Variants in ANKS1A observed in about 807,000 individuals in gnomAD.
ANKS1A encodes the protein ankyrin repeat and SAM domain-containing protein 1A.
ANKS1A carries 55 observed loss-of-function variants against 120.3 expected under a neutral mutation model. The ratio of observed to expected loss-of-function variants is 0.46; its 90% CI spans 0.37 to 0.57. ANKS1A has a LOEUF of 0.57. ANKS1A is among the 20% of genes least tolerant of loss of function. ANKS1A has a pLI of 0.00. For synonymous variants in ANKS1A, 590 were observed against 604.7 expected (o/e 0.98, Z 0.36); for missense variants, 1,123 against 1,480.3 (o/e 0.76, Z 3.96).
At chr6:34,925,642 G>A (rs1192816248) in intron 1 of ANKS1A, among the ~76,000 whole-genome samples, 2 of 152,196 alleles carry the variant, frequency 1.3e-5, no homozygotes, top group African/African-American at 2.4e-5. Flanking sequence ...AATGGTGTAT[G>A]GGGTATGAGG....
At chr6:35,042,037 G>A (rs1775487052) in intron 11 of ANKS1A, among the ~76,000 whole-genome samples, 1 of 152,184 alleles carries the variant, frequency 6.6e-6, no homozygotes, top group South Asian at 2.1e-4. Context: ...GAGAAATGGG[G>A]GGAAGTGATC....
rs556033864 is a variant in ANKS1A, at chr6:34,991,663, T to C, written c.1302+2347T>C. On this transcript the variant is annotated intron_variant, in intron 9 of 23. Transcript: ENST00000360359. ...ATATACACACACATATATATACACA[T>C]ATATATACACATATATATACATATA... Among the ~76,000 whole-genome samples the C allele has an allele frequency of 8.1e-5, 7 of 86,502 alleles. No individual in the cohort carries two copies. The South Asian group carries it at 1.6e-3, about 19-fold the overall frequency. 56.7% of individuals were successfully genotyped at this position (86,502 alleles called of 152,430 possible).
intron 23 of ANKS1A, among the ~76,000 whole-genome samples, chr6:35,088,006 C>T (rs902790846): frequency 3.3e-5 from 5 of 152,246 alleles, no homozygotes; most frequent in African/African-American, 7.2e-5. Context: ...CACGGCGCAC[C>T]TTCTTCCCTC....
At position 35,085,674 on chromosome 6, in the gene ANKS1A, G is replaced by A. The variant is rs370408790; in HGVS notation, c.3133-92G>A. ...GTAGGAGCGCTCCCGGGTAGACTTA[G>A]AGGGGGACACATGGTCCCTGCGAGG... On this transcript the variant is annotated intron_variant, in intron 21 of 23. Transcript: ENST00000360359. This position sits in a 1 kb window ranked among gnomAD's most constrained non-coding sequence, Gnocchi z 4.7. 2.9e-6 allele frequency: 4 copies of A among 1,361,290 alleles called. No individual in the cohort carries two copies. The highest frequency in any genetic ancestry group is 2.9e-5 in the African/African-American group (2 of 68,142). The allele number at this position is 1,361,290 out of a possible 1,614,324, so 84.3% of individuals were successfully genotyped here.
In ANKS1A at chr6:34,955,950, C is replaced by A. The variant is rs543325135; in HGVS notation, c.198-11289C>A. On this transcript the variant is annotated intron_variant, in intron 1 of 23. Coordinates refer to ENST00000360359, the MANE Select transcript of ANKS1A (RefSeq NM_015245.3). ...CTTTATCCCATTTATTATAAAATTT[C>A]ACAATGTGACTTTTAAAAAATTCTT... Among the ~76,000 whole-genome samples the A allele has an allele frequency of 3.3e-5, 5 of 152,134 alleles. No individual in the cohort carries two copies. The South Asian group carries it at 1.0e-3, about 32-fold the overall frequency.
At chr6:34,964,438 C>T (rs1271225960) in intron 1 of ANKS1A, among the ~76,000 whole-genome samples, 1 of 152,174 alleles carries the variant, frequency 6.6e-6, no homozygotes, top group African/African-American at 2.4e-5. Flanking sequence ...GGTGAGTGCT[C>T]TTCCAGTCAC....
chr6:34,936,826 T>C (rs1344756461), intron 1 of ANKS1A, among the ~76,000 whole-genome samples: 3 of 152,186 alleles, frequency 2.0e-5, no homozygotes, highest in Non-Finnish European at 4.4e-5. Flanking sequence ...TATTGGGAGC[T>C]AAAATTCTAT....
chr6:34,908,808 T>C (rs1767765006), intron 1 of ANKS1A, among the ~76,000 whole-genome samples: 1 of 152,142 alleles, frequency 6.6e-6, no homozygotes, highest in African/African-American at 2.4e-5. Flanking sequence ...GTTTTAAGTA[T>C]GCAGACATGC....
intron 11 of ANKS1A, among the ~76,000 whole-genome samples, chr6:35,037,442 G>A (rs1775231058): frequency 6.6e-6 from 1 of 152,168 alleles, no homozygotes; most frequent in Non-Finnish European, 1.5e-5. Context: ...AGCTTATTTG[G>A]GAGGTGATCC....
At chr6:35,093,740 C>A (rs545007914), downstream of ANKS1A, among the ~76,000 whole-genome samples, 1 of 152,266 alleles carries the variant, frequency 6.6e-6, no homozygotes, top group African/African-American at 2.4e-5. Context: ...CTGTTCTTCC[C>A]AGCCAGAGGA....
chr6:35,042,230 A>G lies in ANKS1A; in HGVS notation c.2011-11869A>G, dbSNP rs549558769. On this transcript the variant is annotated intron_variant, in intron 11 of 23. Coordinates refer to ENST00000360359, the MANE Select transcript of ANKS1A (RefSeq NM_015245.3). ...GAGGTCAGCATGGGGCTGATGTAAG[A>G]GGATATCGACACAGGAACTTAGCAG... Among the ~76,000 whole-genome samples the G allele has an allele frequency of 7.2e-5, 11 of 152,328 alleles. 1 individual carries two copies. In the East Asian group the frequency reaches 2.1e-3, roughly 29 times the overall value.
intron 1 of ANKS1A, among the ~76,000 whole-genome samples, chr6:34,958,276 G>T (rs1471988920): frequency 6.6e-6 from 1 of 152,172 alleles, no homozygotes; most frequent in Non-Finnish European, 1.5e-5. Context: ...TGAGTAGCCT[G>T]ATTCAAACAG....
At chr6:35,005,480 A>G (rs1773400843) in intron 10 of ANKS1A, among the ~76,000 whole-genome samples, 1 of 152,240 alleles carries the variant, frequency 6.6e-6, no homozygotes, top group Non-Finnish European at 1.5e-5. Context: ...TTATATTCTT[A>G]AATTCATTTG....
In ANKS1A at chr6:35,048,642, T is replaced by C. The variant is rs566639476; in HGVS notation, c.2011-5457T>C. ...CTGGCCAGTGACCCTTTTTCAGATG[T>C]GGAATCAAAGCCCACTCTAGGCTGA... is the stretch of plus-strand genomic sequence containing the variant. On this transcript the variant is annotated intron_variant, in intron 11 of 23. Coordinates refer to ENST00000360359, the MANE Select transcript of ANKS1A (RefSeq NM_015245.3). 1.0e-3 allele frequency among the ~76,000 whole-genome samples: 158 copies of C among 152,232 alleles called. 4 individuals are homozygous for C. Among genetic ancestry groups the C allele is most frequent in the Middle Eastern group, 3.4e-3 (1 of 294 alleles).
intron 3 of ANKS1A, among the ~76,000 whole-genome samples, chr6:34,975,466 A>C (rs185762947): frequency 1.2e-3 from 177 of 151,990 alleles, no homozygotes; most frequent in African/African-American, 4.1e-3. Flanking sequence ...AAAACAACAA[A>C]AAAAAGGAAA....
chr6:34,894,472 T>C (rs912889703), intron 1 of ANKS1A, among the ~76,000 whole-genome samples: 3 of 152,116 alleles, frequency 2.0e-5, no homozygotes, highest in African/African-American at 7.2e-5. Flanking sequence ...GGCAACATGC[T>C]GAAATCCCAT....
chr6:34,939,511 A>AT (rs1769423061), intron 1 of ANKS1A, among the ~76,000 whole-genome samples: 2 of 152,148 alleles, frequency 1.3e-5, no homozygotes, highest in African/African-American at 4.8e-5. Flanking sequence ...ATGGTGAAGT[A>AT]ATTAGTTGCC....
downstream of ANKS1A, among the ~76,000 whole-genome samples, chr6:35,092,718 C>T (rs372886001): frequency 9.9e-5 from 15 of 152,222 alleles, no homozygotes; most frequent in Non-Finnish European, 1.6e-4. Context: ...CTTCTGGGAC[C>T]ACCTTACACA....
chr6:34,928,646 C>G (rs1173774869), intron 1 of ANKS1A, among the ~76,000 whole-genome samples: 1 of 151,668 alleles, frequency 6.6e-6, no homozygotes, highest in African/African-American at 2.4e-5. Flanking sequence ...GAGTGTTACT[C>G]TGTTTTGCAG....
Sources: allele counts gnomAD v4.1 joint callset (sites outside exome capture counted in the v4.1 genomes callset), GRCh38; gene constraint gnomAD v4.1.1; non-coding constraint Gnocchi (gnomAD v3.1); transcripts MANE v1.5; gene names NCBI Gene and HGNC (gene_info 2026-07-23, HGNC 2026-07-21).